DDX50: variants seen among roughly 807,000 people sequenced by gnomAD.
The protein encoded by DDX50 is DExD-box helicase 50, also known as ATP-dependent RNA helicase DDX50.
Under a neutral mutation model 94.8 loss-of-function variants are expected in DDX50, and 56 were observed. The observed-to-expected ratio is 0.59, with a 90% confidence interval of 0.48 to 0.74. The LOEUF is 0.74. Ranked by LOEUF, DDX50 falls within the 30% of genes least tolerant of loss-of-function variation. The pLI is 0.00. For synonymous variants in DDX50, 264 were observed against 295.4 expected (o/e 0.89, Z 1.09); for missense variants, 713 against 881.2 (o/e 0.81, Z 2.42).
chr10:68,933,490 TTAAG>T (rs1842325440), intron 8 of DDX50, among the ~76,000 whole-genome samples: 1 of 152,244 alleles, frequency 6.6e-6, no homozygotes, highest in African/African-American at 2.4e-5. Flanking sequence ...TTTAAAAAAA[TTAAG>T]TAGCATTTTA....
intron 8 of DDX50, among the ~76,000 whole-genome samples, chr10:68,931,415 A>ATG (rs1405339076): frequency 4.8e-4 from 23 of 47,740 alleles, no homozygotes; most frequent in Admixed American, 8.3e-4. Flanking sequence ...ATATATGTAT[A>ATG]TATATATATA....
intron 8 of DDX50, among the ~76,000 whole-genome samples, chr10:68,929,721 G>T (rs1485206524): frequency 1.4e-5 from 2 of 145,226 alleles, no homozygotes; most frequent in African/African-American, 5.0e-5. Context: ...ACTGCGCCTG[G>T]CCTCTTTTTT....
intron 8 of DDX50, among the ~76,000 whole-genome samples, chr10:68,921,837 A>G (rs1841948925): frequency 1.3e-5 from 2 of 152,198 alleles, no homozygotes; most frequent in Admixed American, 1.3e-4. Flanking sequence ...GCATCGGTAT[A>G]AAAAGTGAGA....
intron 8 of DDX50, among the ~76,000 whole-genome samples, chr10:68,925,094 G>GTTTTTTTT (rs752888119): frequency 1.1e-5 from 1 of 89,024 alleles, no homozygotes; most frequent in African/African-American, 4.0e-5. Context: ...CCCTGCTCAT[G>GTTTTTTTT]GTTTTTTTTT....
chr10:68,939,621 C>T (rs2132061679), intron 12 of DDX50, among the ~76,000 whole-genome samples: 1 of 152,254 alleles, frequency 6.6e-6, no homozygotes, highest in Admixed American at 6.5e-5. Context: ...TTTGTACATA[C>T]TTTCATTGTC....
intron 8 of DDX50, among the ~76,000 whole-genome samples, chr10:68,923,312 G>A (rs952956908): frequency 6.8e-6 from 1 of 147,982 alleles, no homozygotes; most frequent in African/African-American, 2.5e-5. Context: ...CCAGGTTCAA[G>A]TGATCCTCCC....
chr10:68,907,122 T>C (rs1841477376), intron 2 of DDX50, 115 bp downstream of exon 2: 2 of 1,061,846 alleles, frequency 1.9e-6, no homozygotes, highest in Admixed American at 5.3e-5. Flanking sequence ...TGTCTAGTAT[T>C]CTTAGTTGCA....
intron 2 of DDX50, 78 bp downstream of exon 2, chr10:68,907,085 A>G: frequency 7.4e-7 from 1 of 1,350,030 alleles, no homozygotes; most frequent in Non-Finnish European, 1.0e-6. Flanking sequence ...GCTAATTAGA[A>G]TTGATTCTAT....
chr10:68,943,897 C>A, intron 14 of DDX50, among the ~76,000 whole-genome samples: 1 of 152,162 alleles, frequency 6.6e-6, no homozygotes, highest in Non-Finnish European at 1.5e-5. Context: ...TATTATAAAT[C>A]ATTTCAAACA....
chr10:68,943,494 T>C (rs1429222043), intron 14 of DDX50, among the ~76,000 whole-genome samples: 1 of 152,210 alleles, frequency 6.6e-6, no homozygotes, highest in Non-Finnish European at 1.5e-5. Flanking sequence ...ATTCCTGGGC[T>C]CAAGTGATCC....
In DDX50 at chr10:68,910,288, A is replaced by C; in HGVS notation, c.385-19A>C. On this transcript the variant is annotated intron_variant, in intron 2 of 14. Transcript: ENST00000373585. ...GAGTTGAGTATAAATTATTTAGGCC[A>C]TTGATTTCATTTTTACAGACCTTAA... 2 of 1,577,970 alleles carry C rather than the reference A, an allele frequency of 1.3e-6. No individual in the cohort carries two copies. Among genetic ancestry groups the C allele is most frequent in the Non-Finnish European group, 1.7e-6 (2 of 1,162,636 alleles).
At chr10:68,933,020 A>G (rs1343577368) in intron 8 of DDX50, among the ~76,000 whole-genome samples, 1 of 151,912 alleles carries the variant, frequency 6.6e-6, no homozygotes, top group Non-Finnish European at 1.5e-5. Flanking sequence ...GCATCCAGAG[A>G]TACAAGTACA....
At chr10:68,915,485 A>G (rs1841760086) in intron 7 of DDX50, among the ~76,000 whole-genome samples, 1 of 152,082 alleles carries the variant, frequency 6.6e-6, no homozygotes, top group Admixed American at 6.6e-5. Flanking sequence ...TGGGAGGCTG[A>G]GGCGGGCAGA....
chr10:68,911,288 C>T, intron 4 of DDX50, 42 bp downstream of exon 4: 1 of 1,445,860 alleles, frequency 6.9e-7, no homozygotes, highest in South Asian at 1.7e-5. Context: ...GTTACTCTAA[C>T]AGAAAGGGAA....
In DDX50 at chr10:68,907,728, CTT is replaced by C. The variant is rs111958927; in HGVS notation, c.384+731_384+732del. Among the ~76,000 whole-genome samples the C allele has an allele frequency of 1.2e-4, 18 of 147,824 alleles. No homozygotes were observed. The East Asian group carries it at 3.3e-3, about 27-fold the overall frequency. On this transcript the variant is annotated intron_variant, in intron 2 of 14. Transcript: ENST00000373585. ...AAGTGTTGAATCCTTGTGTTATGGC[CTT>C]TTTTTTTTTAATTTGTGAATTTGCT...
intron 6 of DDX50, 142 bp from the exon 7 acceptor site, chr10:68,913,917 A>T: frequency 1.2e-6 from 1 of 807,222 alleles, no homozygotes; most frequent in Non-Finnish European, 1.8e-6. Flanking sequence ...AAGTTTTAAT[A>T]ATTGCAATGA....
intron 14 of DDX50, among the ~76,000 whole-genome samples, chr10:68,944,892 A>G (rs1842632617): frequency 6.6e-6 from 1 of 152,058 alleles, no homozygotes; most frequent in Non-Finnish European, 1.5e-5. Flanking sequence ...TATGTTGCCC[A>G]GGCTGGTCTC....
At chr10:68,914,743 T>A (rs61868261) in intron 7 of DDX50, among the ~76,000 whole-genome samples, 2 of 152,250 alleles carry the variant, frequency 1.3e-5, no homozygotes, top group South Asian at 2.1e-4. Context: ...GAAGTTGGGC[T>A]GAGCATGGTG....
intron 8 of DDX50, among the ~76,000 whole-genome samples, chr10:68,924,709 C>T: frequency 6.6e-6 from 1 of 151,836 alleles, no homozygotes; most frequent in Non-Finnish European, 1.5e-5. Flanking sequence ...TGTGTCTTTC[C>T]TCATTTTTCT....
Sources: allele counts gnomAD v4.1 joint callset (sites outside exome capture counted in the v4.1 genomes callset), GRCh38; gene constraint gnomAD v4.1.1; transcripts MANE v1.5; gene names NCBI Gene and HGNC (gene_info 2026-07-23, HGNC 2026-07-21).